The following DPP10 variants were observed in gnomAD, a reference collection of about 807,000 sequenced individuals.
DPP10 encodes the protein inactive dipeptidyl peptidase 10.
Under a neutral mutation model 120.9 loss-of-function variants are expected in DPP10, and 33 were observed. That is an observed-to-expected ratio of 0.27 (90% CI 0.21 to 0.37). The LOEUF is 0.37. Ranked by LOEUF, DPP10 falls within the 10% of genes least tolerant of loss-of-function variation. The probability of loss-of-function intolerance (pLI) is 1.00; values close to 1 mark genes in which losing one functional copy is unlikely to be tolerated. For synonymous variants in DPP10, 337 were observed against 326.1 expected (o/e 1.03, Z -0.36); for missense variants, 816 against 942.8 (o/e 0.87, Z 1.76).
intron 1 of DPP10, among the ~76,000 whole-genome samples, chr2:115,104,170 CTTTTT>C (rs35125894): frequency 3.5e-5 from 3 of 84,650 alleles, no homozygotes; most frequent in African/African-American, 1.4e-4. Context: ...ATACATATGT[CTTTTT>C]TTTTTTTTTT....
rs142201933 is a variant in DPP10, at chr2:115,781,713, T to A, written c.1484-639T>A. ...TTTTGACATTGTTTTTCTCTTGATA[T>A]ATGAAATGAAGTAATCAAAAAAGAA... On this transcript the variant is annotated intron_variant, in intron 16 of 25. Coordinates refer to ENST00000410059, the MANE Select transcript of DPP10 (RefSeq NM_020868.6). Among the ~76,000 whole-genome samples, 27 of 152,020 alleles carry A rather than the reference T, an allele frequency of 1.8e-4. No homozygotes were observed. In the East Asian group the frequency reaches 3.9e-3, roughly 22 times the overall value.
chr2:114,801,287 AG>A (rs1412270133), intron 1 of DPP10, among the ~76,000 whole-genome samples: 3 of 56,266 alleles, frequency 5.3e-5, no homozygotes. Flanking sequence ...AAAGAAAAAA[AG>A]AAAGAAAGAA....
rs186108459 is a variant in DPP10, at chr2:114,632,313, A to G, written c.60+189475A>G. Among the ~76,000 whole-genome samples, 983 of 152,080 alleles carry G rather than the reference A, an allele frequency of 6.5e-3. 9 individuals carry two copies. Among genetic ancestry groups the G allele is most frequent in the Non-Finnish European group, 0.01 (713 of 68,002 alleles). On this transcript the variant is annotated intron_variant, in intron 1 of 25. Coordinates refer to ENST00000410059, the MANE Select transcript of DPP10 (RefSeq NM_020868.6). ...TACTCTGCTCCCGAACCATTTCTCA[A>G]CTAATGGTTTTAGCACTCATTAATG...
At chr2:115,319,963 C>G (rs1199162875) in intron 2 of DPP10, among the ~76,000 whole-genome samples, 3 of 152,260 alleles carry the variant, frequency 2.0e-5, no homozygotes, top group Non-Finnish European at 4.4e-5. Flanking sequence ...AATTACCTCT[C>G]AAAGTTCACA....
At chr2:114,501,908 T>G (rs1023777963) in intron 1 of DPP10, among the ~76,000 whole-genome samples, 1 of 150,106 alleles carries the variant, frequency 6.7e-6, no homozygotes, top group Non-Finnish European at 1.5e-5. Flanking sequence ...ACGATTTATA[T>G]GAGAAAAAAC....
At chr2:115,383,543 G>A (rs1388263175) in intron 3 of DPP10, among the ~76,000 whole-genome samples, 1 of 152,126 alleles carries the variant, frequency 6.6e-6, no homozygotes, top group Non-Finnish European at 1.5e-5. Context: ...ATCCTCTTTT[G>A]CATAAATTAG....
At chr2:115,720,602 A>T (rs1182633825) in intron 7 of DPP10, among the ~76,000 whole-genome samples, 1 of 152,126 alleles carries the variant, frequency 6.6e-6, no homozygotes, top group African/African-American at 2.4e-5. Flanking sequence ...TATGGTCTAT[A>T]TGATAATACT....
chr2:114,803,759 T>C (rs1232894255), intron 1 of DPP10, among the ~76,000 whole-genome samples: 1 of 152,016 alleles, frequency 6.6e-6, no homozygotes, highest in Non-Finnish European at 1.5e-5. Flanking sequence ...GTTAAAGGCA[T>C]TCAGTTTATA....
intron 2 of DPP10, among the ~76,000 whole-genome samples, chr2:115,325,728 CA>C (rs982960049): frequency 6.6e-5 from 10 of 151,662 alleles, no homozygotes; most frequent in African/African-American, 2.2e-4. Context: ...TTTTTCAAAA[CA>C]AAAAAAGCAA....
At chr2:114,895,269 A>G (rs183316204) in intron 1 of DPP10, among the ~76,000 whole-genome samples, 9 of 152,248 alleles carry the variant, frequency 5.9e-5, no homozygotes, top group Non-Finnish European at 1.3e-4. Context: ...TTCACAATCT[A>G]TGAAGAATTA....
chr2:114,713,920 G>A (rs1003773364), intron 1 of DPP10, among the ~76,000 whole-genome samples: 1 of 151,670 alleles, frequency 6.6e-6, no homozygotes, highest in Non-Finnish European at 1.5e-5. Flanking sequence ...AGGAGGCGGA[G>A]GTTGCAGTGA....
intron 1 of DPP10, among the ~76,000 whole-genome samples, chr2:115,282,585 T>G (rs144086941): frequency 8.7e-4 from 132 of 152,222 alleles, no homozygotes; most frequent in African/African-American, 3.1e-3. Context: ...CATTTGGTGT[T>G]TACAGCCAAG....
At chr2:115,394,741 A>C (rs891802936) in intron 3 of DPP10, among the ~76,000 whole-genome samples, 3 of 152,200 alleles carry the variant, frequency 2.0e-5, no homozygotes, top group African/African-American at 7.2e-5. Context: ...ATGGTGGCAC[A>C]GATTTTATTA....
At chr2:115,402,842 G>GAAA (rs1553584302) in intron 3 of DPP10, among the ~76,000 whole-genome samples, 4,394 of 38,382 alleles carry the variant, frequency 0.11, 162 homozygotes, top group Non-Finnish European at 0.18. Context: ...ACACTACAAG[G>GAAA]AAAAAAAAAA....
chr2:114,523,532 T>A (rs1426801970), intron 1 of DPP10, among the ~76,000 whole-genome samples: 2 of 152,160 alleles, frequency 1.3e-5, no homozygotes, highest in South Asian at 2.1e-4. Context: ...TCCTTTGTTA[T>A]CCTTTATTAT....
At chr2:114,457,319 T>A (rs1460673592) in intron 1 of DPP10, among the ~76,000 whole-genome samples, 1 of 152,192 alleles carries the variant, frequency 6.6e-6, no homozygotes, top group African/African-American at 2.4e-5. Context: ...TCTGGCAGCA[T>A]CCCTGGCCTC....
chr2:115,755,931 A>AGTGT (rs34664946), intron 11 of DPP10, among the ~76,000 whole-genome samples: 30 of 118,530 alleles, frequency 2.5e-4, no homozygotes, highest in African/African-American at 6.7e-4. Context: ...TTTTTTAAAA[A>AGTGT]GTGTGTGTGT....
At chr2:115,319,045 G>C (rs1056398797) in intron 2 of DPP10, among the ~76,000 whole-genome samples, 2 of 152,046 alleles carry the variant, frequency 1.3e-5, no homozygotes, top group Non-Finnish European at 2.9e-5. Flanking sequence ...AGCTTGTTTA[G>C]ATAAAGATTC....
intron 1 of DPP10, among the ~76,000 whole-genome samples, chr2:114,444,535 T>C (rs1677832476): frequency 6.6e-6 from 1 of 151,368 alleles, no homozygotes; most frequent in Admixed American, 6.6e-5. Context: ...ACTTCCTTTA[T>C]TAGTGCTCTG....
Sources: allele counts gnomAD v4.1 joint callset (sites outside exome capture counted in the v4.1 genomes callset), GRCh38; gene constraint gnomAD v4.1.1; transcripts MANE v1.5; gene names NCBI Gene and HGNC (gene_info 2026-07-23, HGNC 2026-07-21).